Variants in ZYG11B observed in about 807,000 individuals in gnomAD.
ZYG11B encodes protein zyg-11 homolog B.
A neutral mutation model predicts 82.4 loss-of-function variants in ZYG11B; 36 were observed. That is an observed-to-expected ratio of 0.44 (90% CI 0.33 to 0.58). ZYG11B has a LOEUF of 0.58. Among genes scored for constraint, ZYG11B ranks in the 20% least tolerant of loss-of-function variants. The pLI, the probability that ZYG11B is intolerant of heterozygous loss-of-function variation, is 0.02. For synonymous variants in ZYG11B, 303 were observed against 312.8 expected (o/e 0.97, Z 0.33); for missense variants, 552 against 895.6 (o/e 0.62, Z 4.90).
chr1:52,813,841 T>C lies in ZYG11B; in HGVS notation c.1894-19T>C. ...AAATAAATATTGTAATCCTTTCTTGTGTGTCTTTTGTCTTCCAGCATTCAG... is the reference window on the plus strand; with the variant it reads ...AAATAAATATTGTAATCCTTTCTTGCGTGTCTTTTGTCTTCCAGCATTCAG... On this transcript the variant is annotated intron_variant, in intron 11 of 13. Transcript: ENST00000294353. 6.2e-7 allele frequency: 1 copy of C among 1,614,054 alleles called. No homozygotes were observed. The highest frequency in any genetic ancestry group is 8.5e-7 in the Non-Finnish European group (1 of 1,179,960).
At chr1:52,811,196 T>C (rs887646513) in intron 10 of ZYG11B, among the ~76,000 whole-genome samples, 4 of 152,348 alleles carry the variant, frequency 2.6e-5, no homozygotes, top group Middle Eastern at 3.4e-3. Flanking sequence ...ATTTTTTGAA[T>C]GATAAATTTT....
At chr1:52,805,454 T>TTTGA (rs1440421571) in intron 10 of ZYG11B, 3 of 455,760 alleles carry the variant, frequency 6.6e-6, no homozygotes. Flanking sequence ...AATTACAGCA[T>TTTGA]TTGATTGTTT....
intron 1 of ZYG11B, among the ~76,000 whole-genome samples, chr1:52,745,151 A>G (rs1238636404): frequency 6.6e-6 from 1 of 152,192 alleles, no homozygotes; most frequent in African/African-American, 2.4e-5. Flanking sequence ...AGCTTTTAAT[A>G]CACAAAACAA....
At chr1:52,801,768 T>A in intron 8 of ZYG11B, 51 bp from the exon 9 acceptor site, 1 of 1,453,218 alleles carries the variant, frequency 6.9e-7, no homozygotes, top group Non-Finnish European at 9.3e-7. Flanking sequence ...CACCACAAAT[T>A]GTAATAACAG....
intron 3 of ZYG11B, among the ~76,000 whole-genome samples, chr1:52,779,267 G>A (rs1016103653): frequency 3.9e-5 from 6 of 152,024 alleles, no homozygotes; most frequent in Non-Finnish European, 7.4e-5. Context: ...CTAATCAAGC[G>A]GTAGGGCCTT....
chr1:52,726,767 T>C, intron 1 of ZYG11B, 84 bp downstream of exon 1: 2 of 1,316,920 alleles, frequency 1.5e-6, no homozygotes, highest in South Asian at 1.6e-5. Context: ...GTCTTGCCCC[T>C]CCCTGTCTCT....
At chr1:52,820,287 T>C (rs78689263) in intron 13 of ZYG11B, among the ~76,000 whole-genome samples, 1 of 152,164 alleles carries the variant, frequency 6.6e-6, no homozygotes, top group African/African-American at 2.4e-5. Flanking sequence ...TCAGATAGTT[T>C]AGGTTCCTAC....
In ZYG11B at chr1:52,726,636, A is replaced by G; in HGVS notation, c.-18A>G. 1.4e-6 allele frequency: 2 copies of G among 1,461,262 alleles called. No homozygotes were observed. The highest frequency in any genetic ancestry group is 1.8e-6 in the Non-Finnish European group (2 of 1,112,686). 90.5% of individuals were successfully genotyped at this position (1,461,262 alleles called of 1,614,324 possible). A position where few individuals can be genotyped will look rare whatever the true frequency, so the allele number is the denominator to read the frequency against. On this transcript the variant is annotated 5_prime_UTR_variant, in exon 1 of 14. Coordinates refer to ENST00000294353, the MANE Select transcript of ZYG11B (RefSeq NM_024646.3). The stretch of plus-strand genomic sequence containing the variant: ...GGGCTCCGGTCCGGCCCGCCGCCGC[A>G]CCCAGGACGGAGGCTGCATGCCCGA...
chr1:52,797,306 A>C (rs1388230753), intron 8 of ZYG11B, among the ~76,000 whole-genome samples: 1 of 89,902 alleles, frequency 1.1e-5, no homozygotes, highest in Non-Finnish European at 1.9e-5. Context: ...ATATAATATA[A>C]ATATATACAT....
rs145327501 is a variant in ZYG11B, at chr1:52,796,693, T to C, written c.1435-41T>C. The C allele has an allele frequency of 8.5e-6, 13 of 1,535,308 alleles. No homozygotes were observed. The East Asian group carries it at 3.0e-4, about 35-fold the overall frequency. On this transcript the variant is annotated intron_variant, in intron 7 of 13. Transcript: ENST00000294353. ...GTGAATGATATTAAACTCACATTAA[T>C]GAGTTCTTGGACATTGAATTTGTTT...
At chr1:52,793,903 T>TTCCTTACTTCCTTCCTTCCTTC in intron 6 of ZYG11B, among the ~76,000 whole-genome samples, 1 of 92,062 alleles carries the variant, frequency 1.1e-5, no homozygotes, top group East Asian at 3.0e-4. Flanking sequence ...TTCCTTCCTT[T>TTCCTTACTTCCTTCCTTCCTTC]CTTTCCTTTC....
chr1:52,783,880 G>C (rs973597814), intron 4 of ZYG11B, among the ~76,000 whole-genome samples: 2 of 97,010 alleles, frequency 2.1e-5, no homozygotes, highest in African/African-American at 1.3e-4. Flanking sequence ...ACACGTGTGT[G>C]TATATGTACA....
intron 1 of ZYG11B, among the ~76,000 whole-genome samples, chr1:52,734,210 CT>C (rs1226205343): frequency 6.6e-6 from 1 of 151,918 alleles, no homozygotes; most frequent in Non-Finnish European, 1.5e-5. Context: ...TGTTGCCAGG[CT>C]GGTCTCAAAC....
intron 10 of ZYG11B, among the ~76,000 whole-genome samples, chr1:52,805,976 C>G (rs750365114): frequency 9.2e-5 from 14 of 152,056 alleles, no homozygotes; most frequent in East Asian, 1.9e-4. Context: ...CTGTCTCCAA[C>G]CTTTCGTCAT....
At chr1:52,761,494 AT>A (rs1356662801) in intron 2 of ZYG11B, among the ~76,000 whole-genome samples, 1 of 152,084 alleles carries the variant, frequency 6.6e-6, no homozygotes, top group East Asian at 1.9e-4. Flanking sequence ...AGTTTCATTC[AT>A]TTTGCTGTGA....
At chr1:52,819,435 C>T (rs1645262005) in intron 13 of ZYG11B, among the ~76,000 whole-genome samples, 1 of 151,946 alleles carries the variant, frequency 6.6e-6, no homozygotes, top group African/African-American at 2.4e-5. Context: ...TTCCTCATAA[C>T]TCAAGGAATG....
intron 4 of ZYG11B, among the ~76,000 whole-genome samples, chr1:52,783,558 G>A (rs1558132444): frequency 6.6e-6 from 1 of 150,806 alleles, no homozygotes; most frequent in Admixed American, 6.6e-5. Context: ...TAGGATACAT[G>A]TGGTAATGAG....
chr1:52,815,889 C>T (rs557675874), intron 12 of ZYG11B, among the ~76,000 whole-genome samples: 18 of 152,026 alleles, frequency 1.2e-4, no homozygotes, highest in East Asian at 3.9e-4. Context: ...GAGCTGAGAT[C>T]GCGCCACTGC....
intron 1 of ZYG11B, among the ~76,000 whole-genome samples, chr1:52,755,377 T>C (rs1254792496): frequency 6.6e-6 from 1 of 152,228 alleles, no homozygotes; most frequent in East Asian, 1.9e-4. Flanking sequence ...TCTATCCTTA[T>C]GCTGGTGCCA....
Sources: allele counts gnomAD v4.1 joint callset (sites outside exome capture counted in the v4.1 genomes callset), GRCh38; gene constraint gnomAD v4.1.1; transcripts MANE v1.5; gene names NCBI Gene and HGNC (gene_info 2026-07-23, HGNC 2026-07-21).